The following STK32C variants were observed in gnomAD, a reference collection of about 807,000 sequenced individuals.
The protein encoded by STK32C is serine/threonine-protein kinase 32C.
Under a neutral mutation model 56.5 loss-of-function variants are expected in STK32C, and 31 were observed. That is an observed-to-expected ratio of 0.55 (90% CI 0.41 to 0.74). The LOEUF (loss-of-function observed/expected upper bound fraction) is 0.74. Ranked by LOEUF, STK32C falls within the 30% of genes least tolerant of loss-of-function variation. STK32C has a pLI of 0.00. For synonymous variants in STK32C, 309 were observed against 289.4 expected, an observed-to-expected ratio of 1.07 and a Z score of -0.69; for missense variants, 544 against 676.9, an observed-to-expected ratio of 0.80 and a Z score of 2.18.
chr10:132,228,475 G>A (rs1458121318), intron 2 of STK32C, among the ~76,000 whole-genome samples: 4 of 152,148 alleles, frequency 2.6e-5, no homozygotes, highest in South Asian at 2.1e-4. Context: ...TCAGTCCTGC[G>A]TTTCAAGTCT....
chr10:132,301,881 G>T (rs1420581370), intron 1 of STK32C, among the ~76,000 whole-genome samples: 1 of 152,214 alleles, frequency 6.6e-6, no homozygotes, highest in Non-Finnish European at 1.5e-5. Flanking sequence ...CCGGGCCAAG[G>T]GACCAGCACC....
chr10:132,268,974 GGTGT>G (rs2064718143), intron 1 of STK32C, among the ~76,000 whole-genome samples: 1 of 81,672 alleles, frequency 1.2e-5, no homozygotes, highest in Non-Finnish European at 2.4e-5. Context: ...TGTGTGTGTC[GGTGT>G]GTGTGCATGC....
At chr10:132,243,296 C>T (rs997848190) in intron 2 of STK32C, among the ~76,000 whole-genome samples, 1 of 151,848 alleles carries the variant, frequency 6.6e-6, no homozygotes, top group Non-Finnish European at 1.5e-5. Context: ...GGGGAGGTGG[C>T]GAGCCTCTCA....
intron 1 of STK32C, among the ~76,000 whole-genome samples, chr10:132,302,089 G>C (rs1455943348): frequency 6.6e-6 from 1 of 152,148 alleles, no homozygotes; most frequent in Non-Finnish European, 1.5e-5. Context: ...TCCGGGACAG[G>C]CAGGAAAGCT....
intron 2 of STK32C, among the ~76,000 whole-genome samples, chr10:132,237,771 G>A (rs986132325): frequency 2.0e-5 from 3 of 152,214 alleles, no homozygotes; most frequent in Admixed American, 6.5e-5. Context: ...CCTAGAGCCT[G>A]GAGGAGAACC....
intron 1 of STK32C, among the ~76,000 whole-genome samples, chr10:132,276,136 T>C (rs1163367143): frequency 3.9e-5 from 6 of 152,088 alleles, no homozygotes; most frequent in African/African-American, 1.2e-4. Flanking sequence ...GACCAGCTTT[T>C]CGGTCAGCAA....
chr10:132,217,734 CAA>C (rs1482906343), intron 10 of STK32C, among the ~76,000 whole-genome samples: 2 of 152,128 alleles, frequency 1.3e-5, no homozygotes, highest in East Asian at 3.9e-4. Context: ...GTTTTAAAAA[CAA>C]AAGTTTCCCT....
chr10:132,267,782 GCT>G (rs1345558437), intron 1 of STK32C, among the ~76,000 whole-genome samples: 3 of 89,670 alleles, frequency 3.3e-5, no homozygotes, highest in Non-Finnish European at 6.4e-5. Context: ...TGCAGGTTCA[GCT>G]CTATGCCTGT....
At chr10:132,331,612 G>T in exon 1 of STK32C, 2 of 1,612,914 alleles carry the variant, frequency 1.2e-6, no homozygotes, top group East Asian at 2.2e-5. Context: ...TGAGCCCAGC[G>T]GGAAGGACAG....
At chr10:132,318,225 G>A (rs1181195472) in intron 1 of STK32C, among the ~76,000 whole-genome samples, 4 of 151,300 alleles carry the variant, frequency 2.6e-5, no homozygotes, top group Non-Finnish European at 4.4e-5. Flanking sequence ...CCAAGATCGC[G>A]CCACTGCACT....
chr10:132,265,753 G>A lies in STK32C; in HGVS notation c.263-19798C>T, dbSNP rs115568259. Among the ~76,000 whole-genome samples the A allele has an allele frequency of 7.7e-3, 1,134 of 147,724 alleles. 12 individuals are homozygous for A. Among genetic ancestry groups the A allele is most frequent in the African/African-American group, 0.028 (1,057 of 37,344 alleles). ...AGACGAGAAGCTCCCGAAGGCCAAT[G>A]AGCACAGGAGAGAGGCTGTCCTTAG... On this transcript the variant is annotated intron_variant, in intron 1 of 11. Coordinates refer to ENST00000298630, the MANE Select transcript of STK32C (RefSeq NM_173575.4).
intron 1 of STK32C, among the ~76,000 whole-genome samples, chr10:132,267,717 G>A (rs540276775): frequency 2.8e-5 from 4 of 140,868 alleles, no homozygotes; most frequent in Admixed American, 1.4e-4. Flanking sequence ...ATGTCTATGT[G>A]CATGCATGTC....
At chr10:132,215,012 T>C (rs1704284069) in intron 10 of STK32C, among the ~76,000 whole-genome samples, 1 of 152,222 alleles carries the variant, frequency 6.6e-6, no homozygotes, top group Non-Finnish European at 1.5e-5. Flanking sequence ...TATTGAACTA[T>C]ATAAATGACC....
Position 132,231,685 on chromosome 10 carries a change from G to A in STK32C, c.319-3557C>T, listed in dbSNP as rs529735805. Among the ~76,000 whole-genome samples, 232 of 152,334 alleles carry A rather than the reference G, an allele frequency of 1.5e-3. 1 individual carries two copies. The highest frequency in any genetic ancestry group is 5.3e-3 in the African/African-American group (222 of 41,574). On this transcript the variant is annotated intron_variant, in intron 2 of 11. Coordinates refer to ENST00000298630, the MANE Select transcript of STK32C (RefSeq NM_173575.4). Reference sequence around the variant, plus strand: ...GGATCTGGAGGTCCTGAATTGGGATGGGCCCTAAAGCCAATGATAGACACC... The same window carrying A: ...GGATCTGGAGGTCCTGAATTGGGATAGGCCCTAAAGCCAATGATAGACACC...
rs1489365034 is a variant in STK32C at position 132,307,741 on chromosome 10, C to A, written c.93G>T (p.Ala31=). The change falls in exon 1 of 12, where the codon GCG becomes GCT. Residue 31 remains alanine, a synonymous_variant. Coordinates refer to ENST00000298630, the MANE Select transcript of STK32C (RefSeq NM_173575.4). This position sits in a 1 kb window ranked among gnomAD's most constrained non-coding sequence, Gnocchi z 4.4. ...PGRARPAGSD[A]PSALPPPAAG... is the part of the protein sequence containing the mutation. Reference sequence around the variant, plus strand: ...CAGCGGGCGGCGGCAGGGCCGAGGGCGCGTCGGAGCCGGCGGGGCGCGCGC... The same window carrying A: ...CAGCGGGCGGCGGCAGGGCCGAGGGAGCGTCGGAGCCGGCGGGGCGCGCGC... 1.8e-6 allele frequency: 2 copies of A among 1,095,164 alleles called. No homozygotes were observed. The highest frequency in any genetic ancestry group is 5.2e-5 in the East Asian group (1 of 19,108). 67.8% of individuals were successfully genotyped at this position (1,095,164 alleles called of 1,614,324 possible). A position where few individuals can be genotyped will look rare whatever the true frequency, so the allele number is the denominator to read the frequency against.
intron 1 of STK32C, among the ~76,000 whole-genome samples, chr10:132,297,763 G>A (rs1015011480): frequency 4.6e-5 from 7 of 152,186 alleles, no homozygotes; most frequent in South Asian, 2.1e-4. Flanking sequence ...GAGACTCCCC[G>A]GCGAAGCCCC....
chr10:132,228,003 G>T lies in STK32C; in HGVS notation c.444C>A (p.Ile148=), dbSNP rs751343663. The part of the protein sequence containing the change: ...VFRELEILQE[I]EHVFLVNLWY... ...AGAGGTTCACCAGGAAGACGTGCTC[G>T]ATCTCCTGCAGGATCTCCAGCTCCC... Residue 148 remains isoleucine (I), a synonymous_variant, in exon 3 of 12, where the codon ATC becomes ATA. Transcript: ENST00000298630. 6.2e-7 allele frequency: 1 copy of T among 1,613,490 alleles called. No homozygotes were observed. The highest frequency in any genetic ancestry group is 2.2e-5 in the East Asian group (1 of 44,878).
At chr10:132,281,933 T>G (rs536004952) in intron 1 of STK32C, among the ~76,000 whole-genome samples, 17 of 152,284 alleles carry the variant, frequency 1.1e-4, no homozygotes, top group Admixed American at 2.0e-4. Context: ...GACGGGAGCC[T>G]GTTCACAGGG....
intron 10 of STK32C, among the ~76,000 whole-genome samples, chr10:132,213,018 G>T (rs1438653302): frequency 6.6e-6 from 1 of 152,206 alleles, no homozygotes; most frequent in Non-Finnish European, 1.5e-5. Context: ...GTCTTATGAG[G>T]CCCCCAACGT....
Sources: gnomAD v4.1 joint callset for allele counts (sites outside exome capture counted in the v4.1 genomes callset) on GRCh38, gnomAD v4.1.1 for gene constraint, Gnocchi (gnomAD v3.1) non-coding constraint, MANE v1.5 for transcripts, NCBI Gene and HGNC (gene_info 2026-07-23, HGNC 2026-07-21) for gene names.